Variants in F3 observed in about 807,000 individuals in gnomAD.
F3 encodes coagulation factor III, tissue factor.
Under a neutral mutation model 33.5 loss-of-function variants are expected in F3, and 18 were observed. The observed-to-expected ratio is 0.54, with a 90% confidence interval of 0.37 to 0.80. The LOEUF (loss-of-function observed/expected upper bound fraction) is 0.80, where lower values mean the gene tolerates loss of function less well. Among genes scored for constraint, F3 ranks in the 30% least tolerant of loss-of-function variants. F3 has a pLI of 0.00. For synonymous variants in F3, 147 were observed against 140.7 expected (o/e 1.05, Z -0.32); for missense variants, 353 against 362.1 (o/e 0.97, Z 0.20).
At position 94,541,407 on chromosome 1, in the gene F3, C is replaced by T. The variant is rs745505200; in HGVS notation, c.100+130G>A. ...TTCAAGCCGGGCTGGGTGAGCGCAG[C>T]CGAGTCCCGTAGGCGCGGGGGACAA... On this transcript the variant is annotated intron_variant, in intron 1 of 5. Coordinates refer to ENST00000334047, the MANE Select transcript of F3 (RefSeq NM_001993.5). 2.0e-5 allele frequency: 14 copies of T among 702,302 alleles called. No homozygotes were observed. In the Admixed American group the frequency reaches 2.1e-4, roughly 11 times the overall value. 43.5% of individuals were successfully genotyped at this position (702,302 alleles called of 1,614,324 possible).
chr1:94,541,451 C>G, intron 1 of F3, 86 bp downstream of exon 1: 2 of 1,114,336 alleles, frequency 1.8e-6, no homozygotes, highest in Non-Finnish European at 2.4e-6. Flanking sequence ...CCCCGGGGAA[C>G]CAGGGCGAGC....
At chr1:94,533,915 G>A (rs926912810) in intron 3 of F3, among the ~76,000 whole-genome samples, 18 of 150,240 alleles carry the variant, frequency 1.2e-4, no homozygotes, top group African/African-American at 3.2e-4. Context: ...CACCCAGGCC[G>A]GAGTGCAGTG....
At chr1:94,537,945 A>G (rs1469400625) in intron 2 of F3, among the ~76,000 whole-genome samples, 4 of 152,202 alleles carry the variant, frequency 2.6e-5, no homozygotes, top group Non-Finnish European at 4.4e-5. Context: ...AGGGCTTTCT[A>G]TGTAACATAG....
In F3 at chr1:94,541,757, C is replaced by A; in HGVS notation, c.-121G>T. ...CGAGGGGGTGCGGGGAGCTCGCAGT[C>A]TTGGGGAGCCGGTGCCCCGCGCGCT... is the stretch of plus-strand genomic sequence containing the variant. On this transcript the variant is annotated 5_prime_UTR_variant, in exon 1 of 6. Transcript: ENST00000334047. The A allele has an allele frequency of 2.0e-6, 1 of 505,594 alleles. No homozygotes were observed. Among genetic ancestry groups the A allele is most frequent in the South Asian group, 9.1e-5 (1 of 11,014 alleles). 31.3% of individuals were successfully genotyped at this position (505,594 alleles called of 1,614,324 possible).
At chr1:94,536,985 C>T (rs1277865906) in intron 2 of F3, among the ~76,000 whole-genome samples, 1 of 152,132 alleles carries the variant, frequency 6.6e-6, no homozygotes, top group Non-Finnish European at 1.5e-5. Context: ...CTCACAGGCA[C>T]TAAGCAACTT....
chr1:94,535,622 G>A (rs1651578918), intron 3 of F3, among the ~76,000 whole-genome samples: 1 of 151,978 alleles, frequency 6.6e-6, no homozygotes. Context: ...TATATATATA[G>A]GGAAAAGCTA....
At chr1:94,532,999 T>G in intron 4 of F3, 91 bp downstream of exon 4, 1 of 1,310,622 alleles carries the variant, frequency 7.6e-7, no homozygotes, top group Non-Finnish European at 1.1e-6. Context: ...AACTCTGTTC[T>G]GCTATTTTTG....
intron 5 of F3, among the ~76,000 whole-genome samples, chr1:94,531,013 G>C (rs747529108): frequency 6.6e-6 from 1 of 152,188 alleles, no homozygotes; most frequent in Non-Finnish European, 1.5e-5. Context: ...CAGTAGCAAG[G>C]CCTTCTGGTG....
intron 3 of F3, among the ~76,000 whole-genome samples, chr1:94,533,834 CTTCTTTCTT>C (rs1484115052): frequency 3.3e-5 from 5 of 151,464 alleles, no homozygotes; most frequent in African/African-American, 1.2e-4. Flanking sequence ...CTCTTCCTTC[CTTCTTTCTT>C]TTCTTTTCTT....
At chr1:94,531,503 T>C (rs1392791076) in intron 5 of F3, among the ~76,000 whole-genome samples, 2 of 152,114 alleles carry the variant, frequency 1.3e-5, no homozygotes, top group Non-Finnish European at 2.9e-5. Context: ...GCTTTTACCA[T>C]GTTGGCCAGG....
intron 3 of F3, among the ~76,000 whole-genome samples, chr1:94,534,580 G>C (rs1651539741): frequency 6.6e-6 from 1 of 152,148 alleles, no homozygotes; most frequent in Admixed American, 6.5e-5. Context: ...ATACTGAACA[G>C]GGTGGTAGCA....
intron 2 of F3, 21 bp downstream of exon 2, chr1:94,540,236 C>A (rs781703945): frequency 5.3e-6 from 8 of 1,510,024 alleles, no homozygotes; most frequent in Non-Finnish European, 7.4e-6. Context: ...CCTTAATTTT[C>A]TTTTTCTGTA....
At chr1:94,539,121 A>G (rs1242806912) in intron 2 of F3, among the ~76,000 whole-genome samples, 1 of 152,156 alleles carries the variant, frequency 6.6e-6, no homozygotes, top group African/African-American at 2.4e-5. Flanking sequence ...ACTAAGGTAA[A>G]CTTCAGGCCT....
At chr1:94,537,017 G>C (rs3917613) in intron 2 of F3, among the ~76,000 whole-genome samples, 1 of 152,084 alleles carries the variant, frequency 6.6e-6, no homozygotes, top group Non-Finnish European at 1.5e-5. Context: ...CATATCTAAC[G>C]AGTGGCAGAG....
chr1:94,535,923 T>G (rs1651588654), intron 3 of F3, 42 bp downstream of exon 3: 1 of 1,568,612 alleles, frequency 6.4e-7, no homozygotes, highest in Non-Finnish European at 8.8e-7. Context: ...TGTTCAGACG[T>G]TTCTAACAAG....
chr1:94,533,000 G>T, intron 4 of F3, 90 bp downstream of exon 4: 1 of 1,316,060 alleles, frequency 7.6e-7, no homozygotes, highest in Non-Finnish European at 1.1e-6. Context: ...ACTCTGTTCT[G>T]CTATTTTTGA....
At chr1:94,540,064 T>C (rs891777491) in intron 2 of F3, among the ~76,000 whole-genome samples, 193 bp downstream of exon 2, 1 of 152,258 alleles carries the variant, frequency 6.6e-6, no homozygotes, top group African/African-American at 2.4e-5. Flanking sequence ...TAAAATGTTC[T>C]ATCAGTTTAA....
intron 5 of F3, among the ~76,000 whole-genome samples, chr1:94,531,213 A>G (rs1398980247): frequency 2.0e-5 from 3 of 152,164 alleles, no homozygotes; most frequent in Non-Finnish European, 4.4e-5. Context: ...GTGGCAATAA[A>G]CAGGAGAGAA....
At position 94,529,780 on chromosome 1, in the gene F3, C is replaced by CA. The variant is rs1651359711; in HGVS notation, c.*679dup. ...CCTACATGGATTGAAGTCAGCCCCT[C>CA]AAAAGCTTTTCGGCTGGGCATGGTG... On this transcript the variant is annotated 3_prime_UTR_variant, in exon 6 of 6. Transcript: ENST00000334047. 3 of 152,054 alleles carry CA rather than the reference C, an allele frequency of 2.0e-5. No individual in the cohort carries two copies. Among genetic ancestry groups the CA allele is most frequent in the Admixed American group, 6.6e-5 (1 of 15,246 alleles). The allele number at this position is 152,054 out of a possible 1,614,324, so 9.4% of individuals were successfully genotyped here.
Sources: gnomAD v4.1 joint callset for allele counts (sites outside exome capture counted in the v4.1 genomes callset) on GRCh38, gnomAD v4.1.1 for gene constraint, MANE v1.5 for transcripts, NCBI Gene and HGNC (gene_info 2026-07-23, HGNC 2026-07-21) for gene names.